Variants in PLCD1 observed in about 807,000 individuals in gnomAD.
The protein encoded by PLCD1 is phospholipase C delta 1.
PLCD1 carries 71 observed loss-of-function variants against 87.4 expected under a neutral mutation model. The observed-to-expected ratio is 0.81, with a 90% CI of 0.67 to 0.99. PLCD1 has a LOEUF of 0.99. Ranked by LOEUF, PLCD1 falls within the 50% of genes least tolerant of loss-of-function variation. The pLI is 0.00. For missense variants in PLCD1, 867 were observed against 1,001.5 expected (o/e 0.87, Z 1.81); for synonymous variants, 348 against 399.2 (o/e 0.87, Z 1.53).
intron 5 of PLCD1, among the ~76,000 whole-genome samples, chr3:38,010,925 T>C (rs1166615730): frequency 2.7e-5 from 4 of 149,208 alleles, no homozygotes; most frequent in African/African-American, 9.9e-5. Context: ...GAAGCAGGAG[T>C]AGCATCTGCT....
chr3:38,008,376 A>T lies in PLCD1; in HGVS notation c.1903-9T>A, dbSNP rs1372427938. 6.2e-7 allele frequency: 1 copy of T among 1,614,228 alleles called. No individual in the cohort carries two copies. Among genetic ancestry groups the T allele is most frequent in the Non-Finnish European group, 8.5e-7 (1 of 1,180,022 alleles). On this transcript the variant is annotated splice_polypyrimidine_tract_variant and intron_variant, in intron 12 of 14. Coordinates refer to ENST00000334661, the MANE Select transcript of PLCD1 (RefSeq NM_006225.4). ...TGCTGCCCCGAAATGACCTGAGGAA[A>T]GGCAGAGGACAATGGACAGTTCAGG...
chr3:38,009,356 A>G lies in PLCD1; in HGVS notation c.1522T>C (p.Ser508Pro), dbSNP rs766900159. Residue 508 changes from serine to proline, a missense_variant, in exon 10 of 15, where the codon TCC becomes CCC. Physicochemically the swap from Ser to Pro is moderately conservative, Grantham distance 74. Transcript: ENST00000334661. ...GCCTGTCCAGGGGTGCCAGGACTGGAGAAGCCCCCAAAGTGGACACTCTTG... is the reference window on the plus strand; with the variant it reads ...GCCTGTCCAGGGGTGCCAGGACTGGGGAAGCCCCCAAAGTGGACACTCTTG... Reference protein sequence around the residue: ...YCKSVHFGGFSSPGTPGQAFY... With the variant: ...YCKSVHFGGFPSPGTPGQAFY... The G allele has an allele frequency of 3.7e-6, 6 of 1,614,008 alleles. No homozygotes were observed. The highest frequency in any genetic ancestry group is 5.1e-6 in the Non-Finnish European group (6 of 1,179,986).
At position 38,020,220 on chromosome 3, in the gene PLCD1, C is replaced by T. The variant is rs949528021; in HGVS notation, c.167G>A (p.Arg56His). Residue 56 changes from arginine to histidine, a missense_variant, in exon 2 of 15, where the codon CGC (arginine) becomes CAC (histidine). Physicochemically the swap from Arg to His is conservative, Grantham distance 29. Transcript: ENST00000334661. Reference protein sequence around the residue: ...EDCKTIWQESRKVMRTPESQL... With the variant: ...EDCKTIWQESHKVMRTPESQL... The stretch of plus-strand genomic sequence containing the variant: ...GGACTCCGGGGTCCGCATGACCTTG[C>T]GGGACTCCTGCCAGATGGTCTTGCA... 3.7e-6 allele frequency: 6 copies of T among 1,613,902 alleles called. No homozygotes were observed. Among genetic ancestry groups the T allele is most frequent in the African/African-American group, 2.7e-5 (2 of 74,926 alleles).
intron 14 of PLCD1, 53 bp from the exon 15 acceptor site, chr3:38,007,911 G>A (rs1699989006): frequency 9.3e-6 from 15 of 1,605,140 alleles, no homozygotes; most frequent in South Asian, 2.2e-5. Flanking sequence ...GTCATTCGGC[G>A]GCGGAGGGGG....
Position 38,029,574 on chromosome 3 carries a change from G to A in PLCD1, c.-35C>T, listed in dbSNP as rs199950339. Reference sequence around the variant, plus strand: ...GCGGCGCGGCGGGAGGGGCACCGCGGGACTCACTTGAGTAGCGACAGCACC... The same window carrying A: ...GCGGCGCGGCGGGAGGGGCACCGCGAGACTCACTTGAGTAGCGACAGCACC... On this transcript the variant is annotated 5_prime_UTR_variant, in exon 1 of 15. Coordinates refer to ENST00000334661, the MANE Select transcript of PLCD1 (RefSeq NM_006225.4). 3.0e-3 allele frequency: 4,656 copies of A among 1,533,622 alleles called. 54 individuals are homozygous for A. The highest frequency in any genetic ancestry group is 2.1e-3 in the Non-Finnish European group (2,446 of 1,144,392).
At position 38,008,234 on chromosome 3, in the gene PLCD1, C is replaced by T. The variant is rs771221973; in HGVS notation, c.2035+1G>A. On this transcript the variant is annotated splice_donor_variant, in intron 13 of 14. Transcript: ENST00000334661. LOFTEE classifies it high-confidence loss of function. ...TAGCCCAGCCCAGGCCCAGCACCTA[C>T]CATTGTTGGTGATGACAGCAGTCTG... 6.2e-7 allele frequency: 1 copy of T among 1,614,112 alleles called. No homozygotes were observed. Among genetic ancestry groups the T allele is most frequent in the Non-Finnish European group, 8.5e-7 (1 of 1,180,052 alleles).
In PLCD1 at chr3:38,016,658, G is replaced by A. The variant is rs751305674; in HGVS notation, c.261C>T (p.Phe87=). The change falls in exon 3 of 15, where the codon TTC becomes TTT. Residue 87 remains phenylalanine, a synonymous_variant. Coordinates refer to ENST00000334661, the MANE Select transcript of PLCD1 (RefSeq NM_006225.4). ...AGCGGTCCTCGGGCACATCACGGGC[G>A]AACTTCTCCAGACCCTCCGTGCGGT... ...MGHRTEGLEK[F]ARDVPEDRCF... 6 of 1,597,778 alleles carry A rather than the reference G, an allele frequency of 3.8e-6. No homozygotes were observed. In the African/African-American group the frequency reaches 4.0e-5, roughly 11 times the overall value.
At position 38,013,513 on chromosome 3, in the gene PLCD1, C is replaced by T. The variant is rs147413020; in HGVS notation, c.429-1840G>A. On this transcript the variant is annotated intron_variant, in intron 3 of 14. Coordinates refer to ENST00000334661, the MANE Select transcript of PLCD1 (RefSeq NM_006225.4). Reference sequence around the variant, plus strand: ...CAGGCGTGAGCCACTGCGCCCCGCCCGGATTTTAATTTTCCTAATGATGCA... The same window carrying T: ...CAGGCGTGAGCCACTGCGCCCCGCCTGGATTTTAATTTTCCTAATGATGCA... 8.0e-3 allele frequency among the ~76,000 whole-genome samples: 1,220 copies of T among 152,244 alleles called. 10 individuals are homozygous for T. The highest frequency in any genetic ancestry group is 0.014 in the Non-Finnish European group (948 of 68,014).
rs1359729113 is a variant in PLCD1, at chr3:38,010,127, C to T, written c.1137+4G>A. On this transcript the variant is annotated splice_donor_region_variant and intron_variant, in intron 7 of 14. Transcript: ENST00000334661. ...CACTCCTCACCTGCCAGGGGCACTC[C>T]CACCTTGAAGGCATAGTCCCGGATG... The T allele has an allele frequency of 1.9e-6, 3 of 1,614,126 alleles. No individual in the cohort carries two copies. The highest frequency in any genetic ancestry group is 2.5e-6 in the Non-Finnish European group (3 of 1,180,052).
At chr3:38,027,907 G>T (rs140900393) in intron 1 of PLCD1, among the ~76,000 whole-genome samples, 174 of 152,320 alleles carry the variant, frequency 1.1e-3, no homozygotes, top group Non-Finnish European at 1.9e-3. Flanking sequence ...ACAGCTTGGG[G>T]TCACAGTGTT....
Position 38,009,303 on chromosome 3 carries a change from C to A in PLCD1, c.1575G>T (p.Glu525Asp). The change falls in exon 10 of 15, where the codon GAG becomes GAT. Residue 525 changes from glutamate (E) to aspartate (D), a missense_variant. Coordinates refer to ENST00000334661, the MANE Select transcript of PLCD1 (RefSeq NM_006225.4). Reference protein sequence around the residue: ...QAFYEMASFSENRALRLLQES... With the variant: ...QAFYEMASFSDNRALRLLQES... ...CTTGGAGCAGTCGAAGGGCACGGTT[C>A]TCAGAGAAGGACGCCATCTCGTAGA... The A allele has an allele frequency of 6.2e-7, 1 of 1,614,192 alleles. No individual in the cohort carries two copies. The highest frequency in any genetic ancestry group is 8.5e-7 in the Non-Finnish European group (1 of 1,180,038).
Position 38,009,154 on chromosome 3 carries a change from G to A in PLCD1, c.1611C>T (p.Asn537=), listed in dbSNP as rs377656276. The change falls in exon 11 of 15, where the codon AAC becomes AAT. Residue 537 remains asparagine (N), a synonymous_variant. Transcript: ENST00000334661. ...RALRLLQESG[N]GFVRHNVGHL... ...GCCCCACGTTGTGGCGGACAAAGCC[G>A]TTTCCTGAGGGGAGGTGTGGTTCGG... The A allele has an allele frequency of 6.2e-5, 100 of 1,614,134 alleles. 1 individual carries two copies. The Middle Eastern group carries it at 5.4e-3, about 88-fold the overall frequency.
rs1381320319 is a variant in PLCD1 at position 38,017,379 on chromosome 3, TCAGGGAGCCCCTTGG to T, written c.200-675_200-661del. Among the ~76,000 whole-genome samples the T allele has an allele frequency of 6.6e-6, 1 of 152,082 alleles. No homozygotes were observed. The highest frequency in any genetic ancestry group is 1.9e-4 in the East Asian group (1 of 5,182). ...GTGTGCAGCTGTGTGTGTCCTGACT[TCAGGGAGCCCCTTGG>T]CAGGGGGTACAGGAAGACTCTGCCT... is the stretch of plus-strand genomic sequence containing the variant. On this transcript the variant is annotated intron_variant, in intron 2 of 14. Coordinates refer to ENST00000334661, the MANE Select transcript of PLCD1 (RefSeq NM_006225.4). This position sits in a 1 kb window ranked among gnomAD's most constrained non-coding sequence, Gnocchi z 4.7.
rs1700297294 is a variant in PLCD1 at position 38,025,308 on chromosome 3, A to G, written c.34+4198T>C. On this transcript the variant is annotated intron_variant, in intron 1 of 14. Transcript: ENST00000334661. The surrounding 1 kb of genome is among the most constrained non-coding windows in gnomAD (Gnocchi z 4.0). ...AGCCGGAGCGGCGAATTCTAACGCCACCTTTGAGGCTGGCGCAGAACCGAA... is the reference window on the plus strand; with the variant it reads ...AGCCGGAGCGGCGAATTCTAACGCCGCCTTTGAGGCTGGCGCAGAACCGAA... Among the ~76,000 whole-genome samples, 1 of 152,178 alleles carries G rather than the reference A, an allele frequency of 6.6e-6. No homozygotes were observed. Among genetic ancestry groups the G allele is most frequent in the South Asian group, 2.1e-4 (1 of 4,834 alleles).
chr3:38,015,753 C>A (rs1394099994), intron 3 of PLCD1, among the ~76,000 whole-genome samples: 2 of 152,200 alleles, frequency 1.3e-5, no homozygotes, highest in African/African-American at 2.4e-5. Context: ...GGCCTACACA[C>A]CAGGCCCAGG....
chr3:38,011,009 G>A (rs577141772), intron 5 of PLCD1, among the ~76,000 whole-genome samples: 1 of 152,364 alleles, frequency 6.6e-6, no homozygotes, highest in Non-Finnish European at 1.5e-5. Context: ...GAGGGAAACA[G>A]GACCAGAGAA....
rs1419866457 is a variant in PLCD1 at position 38,011,456 on chromosome 3, AG to A, written c.559-12del. The A allele has an allele frequency of 3.1e-6, 5 of 1,613,840 alleles. No individual in the cohort carries two copies. The highest frequency in any genetic ancestry group is 4.2e-6 in the Non-Finnish European group (5 of 1,179,672). ...GGAGTGGTCACACTCCTGCAGAGCC[AG>A]GACAGCCGAGTGGGCTCAGAGCAGG... On this transcript the variant is annotated splice_polypyrimidine_tract_variant and intron_variant, in intron 4 of 14. Transcript: ENST00000334661.
intron 2 of PLCD1, among the ~76,000 whole-genome samples, chr3:38,019,256 A>G (rs917151576): frequency 1.3e-5 from 2 of 152,208 alleles, no homozygotes; most frequent in African/African-American, 4.8e-5. Flanking sequence ...ATCTATATGC[A>G]CTGTCCAATT....
chr3:38,024,369 A>T, intron 1 of PLCD1: 1 of 1,612,902 alleles, frequency 6.2e-7, no homozygotes, highest in South Asian at 1.1e-5. Flanking sequence ...CGCCACCTTA[A>T]GGCTCCGCTC....
Sources: allele counts gnomAD v4.1 joint callset (sites outside exome capture counted in the v4.1 genomes callset), GRCh38; gene constraint gnomAD v4.1.1; non-coding constraint Gnocchi (gnomAD v3.1); transcripts MANE v1.5; gene names NCBI Gene and HGNC (gene_info 2026-07-23, HGNC 2026-07-21).